The following PTPN6 variants were observed in gnomAD, a reference collection of about 807,000 sequenced individuals.
PTPN6 encodes protein tyrosine phosphatase non-receptor type 6.
Under a neutral mutation model 81.5 loss-of-function variants are expected in PTPN6, and 18 were observed. The ratio of observed to expected loss-of-function variants is 0.22; its 90% CI spans 0.15 to 0.33. The LOEUF (loss-of-function observed/expected upper bound fraction) is 0.33, where lower values mean the gene tolerates loss of function less well. Ranked by LOEUF, PTPN6 falls within the 10% of genes least tolerant of loss-of-function variation. The pLI is 1.00. For missense variants in PTPN6, 500 were observed against 794.2 expected (o/e 0.63, Z 4.45); for synonymous variants, 301 against 310.9 (o/e 0.97, Z 0.33).
chr12:6,948,964 A>G (rs1487658639), upstream of PTPN6, among the ~76,000 whole-genome samples: 2 of 151,778 alleles, frequency 1.3e-5, no homozygotes, highest in African/African-American at 2.4e-5. Context: ...AAAAAAAAGA[A>G]AAGAAAAAGT....
chr12:6,946,888 C>A, upstream of PTPN6: 1 of 881,038 alleles, frequency 1.1e-6, no homozygotes. Flanking sequence ...CTTCCCCTTC[C>A]CGCAAGGTGT....
upstream of PTPN6, among the ~76,000 whole-genome samples, chr12:6,947,702 T>C (rs1555147063): frequency 1.3e-5 from 2 of 149,920 alleles, no homozygotes; most frequent in Non-Finnish European, 3.0e-5. Context: ...ATGAACCAGC[T>C]TCATATGCTA....
At chr12:6,948,545 G>A (rs1190365873), upstream of PTPN6, among the ~76,000 whole-genome samples, 1 of 143,280 alleles carries the variant, frequency 7.0e-6, no homozygotes, top group Non-Finnish European at 1.5e-5. Flanking sequence ...AGGAAGGAAG[G>A]AAAGAAAGAA....
chr12:6,956,260 C>G lies in PTPN6; in HGVS notation c.924+39C>G, dbSNP rs1205471213. ...GCCACGTGGGAGGAGAGGCTGGGCC[C>G]TGGGAATTCCCTGTCTGGTGGGGGG... On this transcript the variant is annotated intron_variant, in intron 8 of 15. Transcript: ENST00000318974. This position sits in a 1 kb window ranked among gnomAD's most constrained non-coding sequence, Gnocchi z 4.1. 12 of 1,611,892 alleles carry G rather than the reference C, an allele frequency of 7.4e-6. No individual in the cohort carries two copies. The African/African-American group carries it at 1.3e-4, about 18-fold the overall frequency.
At position 6,956,235 on chromosome 12, in the gene PTPN6, G is replaced by A. The variant is rs759937221; in HGVS notation, c.924+14G>A. ...AACTACATCAAGGTCAGCAGTGTGGGCCACGTGGGAGGAGAGGCTGGGCCC... is the reference window on the plus strand; with the variant it reads ...AACTACATCAAGGTCAGCAGTGTGGACCACGTGGGAGGAGAGGCTGGGCCC... On this transcript the variant is annotated intron_variant, in intron 8 of 15. Coordinates refer to ENST00000318974, the MANE Select transcript of PTPN6 (RefSeq NM_002831.6). This position sits in a 1 kb window ranked among gnomAD's most constrained non-coding sequence, Gnocchi z 4.1. The A allele has an allele frequency of 6.2e-7, 1 of 1,613,844 alleles. No homozygotes were observed. The highest frequency in any genetic ancestry group is 8.5e-7 in the Non-Finnish European group (1 of 1,179,730).
rs1175912866 is a variant in PTPN6 at position 6,955,331 on chromosome 12, G to C, written c.634-41G>C. 1.2e-6 allele frequency: 2 copies of C among 1,611,678 alleles called. No homozygotes were observed. The highest frequency in any genetic ancestry group is 2.7e-5 in the African/African-American group (2 of 74,942). On this transcript the variant is annotated intron_variant, in intron 5 of 15. Transcript: ENST00000318974. This position sits in a 1 kb window ranked among gnomAD's most constrained non-coding sequence, Gnocchi z 7.2. ...GCTGTCCCCCAGATGTGAGCTTCTG[G>C]GATCTCTGAGTTGCTGACTTCTCGC... is the stretch of plus-strand genomic sequence containing the variant.
chr12:6,946,642 T>C (rs1463446859), upstream of PTPN6: 1 of 1,187,622 alleles, frequency 8.4e-7, no homozygotes, highest in Non-Finnish European at 1.2e-6. Flanking sequence ...CTCACCTGGC[T>C]TGGGCCACTG....
upstream of PTPN6, among the ~76,000 whole-genome samples, chr12:6,947,501 C>G (rs782652604): frequency 6.6e-5 from 10 of 151,848 alleles, no homozygotes; most frequent in Non-Finnish European, 1.5e-4. Context: ...GAGACCCTGT[C>G]TCTACAAAAA....
rs1946097593 is a variant in PTPN6, at chr12:6,959,899, C to T, written c.1362-28C>T. On this transcript the variant is annotated intron_variant, in intron 11 of 15. Coordinates refer to ENST00000318974, the MANE Select transcript of PTPN6 (RefSeq NM_002831.6). The surrounding 1 kb of genome is among the most constrained non-coding windows in gnomAD (Gnocchi z 6.6). ...CCTTCCCGGGGAGGGCTTGACTGGC[C>T]TCTGATGGCACCCCCGTCTTTCCCC... 1.2e-6 allele frequency: 2 copies of T among 1,610,576 alleles called. No individual in the cohort carries two copies. The highest frequency in any genetic ancestry group is 1.7e-5 in the Admixed American group (1 of 60,002).
In PTPN6 at chr12:6,959,887, G is replaced by A; in HGVS notation, c.1362-40G>A. 6.2e-7 allele frequency: 1 copy of A among 1,608,438 alleles called. No individual in the cohort carries two copies. The highest frequency in any genetic ancestry group is 8.5e-7 in the Non-Finnish European group (1 of 1,177,822). On this transcript the variant is annotated intron_variant, in intron 11 of 15. Coordinates refer to ENST00000318974, the MANE Select transcript of PTPN6 (RefSeq NM_002831.6). This position sits in a 1 kb window ranked among gnomAD's most constrained non-coding sequence, Gnocchi z 6.6. ...GCTGGGTACCCCCCTTCCCGGGGAG[G>A]GCTTGACTGGCCTCTGATGGCACCC...
intron 3 of PTPN6, among the ~76,000 whole-genome samples, chr12:6,954,000 C>T (rs955032445): frequency 2.6e-5 from 4 of 152,182 alleles, no homozygotes; most frequent in African/African-American, 9.7e-5. Flanking sequence ...TTTTTTCCAT[C>T]ACGTGGTTTC....
rs368379027 is a variant in PTPN6, at chr12:6,951,399, G to A, written c.-114G>A. The stretch of plus-strand genomic sequence containing the variant: ...GAACTGGGACCACCGGGGGTGGTGA[G>A]GCGGCCCGGCACTGGGAGCTGCATC... On this transcript the variant is annotated 5_prime_UTR_variant, in exon 1 of 16. Coordinates refer to ENST00000318974, the MANE Select transcript of PTPN6 (RefSeq NM_002831.6). This position sits in a 1 kb window ranked among gnomAD's most constrained non-coding sequence, Gnocchi z 7.2. The A allele has an allele frequency of 6.2e-5, 96 of 1,549,218 alleles. No individual in the cohort carries two copies. In the African/African-American group the frequency reaches 1.3e-3, roughly 20 times the overall value.
chr12:6,960,363 C>T lies in PTPN6; in HGVS notation c.1601C>T (p.Ser534Leu), dbSNP rs782688576. The change falls in exon 14 of 16, where the codon TCG becomes TTG. Residue 534 changes from serine to leucine, a missense_variant. Around this residue, in one of 6 missense-constraint regions of PTPN6, gnomAD observed 226 missense variants for 364.4 expected, o/e 0.62. Coordinates refer to ENST00000318974, the MANE Select transcript of PTPN6 (RefSeq NM_002831.6). This position sits in a 1 kb window ranked among gnomAD's most constrained non-coding sequence, Gnocchi z 6.1. Reference sequence around the variant, plus strand: ...CCACAGTCGCAGAAGGGCCAGGAGTCGGAGTACGGGAACATCACCTATCCC... The same window carrying T: ...CCACAGTCGCAGAAGGGCCAGGAGTTGGAGTACGGGAACATCACCTATCCC... ...EVLQSQKGQE[S>L]EYGNITYPPA... The T allele has an allele frequency of 8.9e-5, 143 of 1,613,380 alleles. No individual in the cohort carries two copies. Among genetic ancestry groups the T allele is most frequent in the Non-Finnish European group, 1.1e-4 (132 of 1,179,998 alleles).
upstream of PTPN6, among the ~76,000 whole-genome samples, chr12:6,947,739 T>C (rs1375731762): frequency 6.6e-6 from 1 of 150,478 alleles, no homozygotes; most frequent in Non-Finnish European, 1.5e-5. Context: ...GCAGGTGACA[T>C]TACTAGCTGG....
Position 6,957,588 on chromosome 12 carries a change from C to G in PTPN6, c.1075-66C>G. The G allele has an allele frequency of 1.9e-6, 3 of 1,579,586 alleles. No individual in the cohort carries two copies. Among genetic ancestry groups the G allele is most frequent in the East Asian group, 4.5e-5 (2 of 44,258 alleles). ...GGTGCCAGGCACTCAGAACATAGAG[C>G]AGGACCTGGGATGGGCCACAGTGCC... On this transcript the variant is annotated intron_variant, in intron 9 of 15. Transcript: ENST00000318974. This position sits in a 1 kb window ranked among gnomAD's most constrained non-coding sequence, Gnocchi z 6.5.
At position 6,955,090 on chromosome 12, in the gene PTPN6, G is replaced by T; in HGVS notation, c.517-61G>T. Reference sequence around the variant, plus strand: ...AGGGTCTGCCTGGGCTTGAATTCAAGGCTGGGGACCCAGGGAGGGAGACTC... The same window carrying T: ...AGGGTCTGCCTGGGCTTGAATTCAATGCTGGGGACCCAGGGAGGGAGACTC... On this transcript the variant is annotated intron_variant, in intron 4 of 15. Transcript: ENST00000318974. The surrounding 1 kb of genome is among the most constrained non-coding windows in gnomAD (Gnocchi z 7.2). 6.2e-7 allele frequency: 1 copy of T among 1,609,616 alleles called. No individual in the cohort carries two copies. Among genetic ancestry groups the T allele is most frequent in the Non-Finnish European group, 8.5e-7 (1 of 1,175,936 alleles).
chr12:6,959,824 T>C lies in PTPN6; in HGVS notation c.1362-103T>C. ...CACATTCCCTCCCATCACTGGAGGC[T>C]CAGGCTGCTCCTGTGGTGCCTGGGG... On this transcript the variant is annotated intron_variant, in intron 11 of 15. Transcript: ENST00000318974. This position sits in a 1 kb window ranked among gnomAD's most constrained non-coding sequence, Gnocchi z 6.6. The C allele has an allele frequency of 7.9e-7, 1 of 1,260,716 alleles. No individual in the cohort carries two copies. The highest frequency in any genetic ancestry group is 1.2e-5 in the South Asian group (1 of 83,626). 78.1% of individuals were successfully genotyped at this position (1,260,716 alleles called of 1,614,324 possible). A position where few individuals can be genotyped will look rare whatever the true frequency, so the allele number is the denominator to read the frequency against.
upstream of PTPN6, among the ~76,000 whole-genome samples, chr12:6,949,478 G>A (rs115569893): frequency 5.7e-3 from 871 of 152,302 alleles, 6 homozygotes; most frequent in African/African-American, 0.019. Context: ...TCTGACAGCC[G>A]TGTTTTACCC....
In PTPN6 at chr12:6,956,078, G is replaced by A. The variant is rs1946024397; in HGVS notation, c.845-64G>A. On this transcript the variant is annotated intron_variant, in intron 7 of 15. Transcript: ENST00000318974. This position sits in a 1 kb window ranked among gnomAD's most constrained non-coding sequence, Gnocchi z 4.1. ...ATGGCCTGTTAGCTCAGGAGGGTCT[G>A]ACCCAGGTGTGGTGAGTCCCTGGCT... 3 of 1,534,750 alleles carry A rather than the reference G, an allele frequency of 2.0e-6. No individual in the cohort carries two copies. The highest frequency in any genetic ancestry group is 1.8e-6 in the Non-Finnish European group (2 of 1,108,514).
Sources: allele counts gnomAD v4.1 joint callset (sites outside exome capture counted in the v4.1 genomes callset), GRCh38; gene constraint gnomAD v4.1.1; regional missense constraint gnomAD v4.1.1; non-coding constraint Gnocchi (gnomAD v3.1); transcripts MANE v1.5; gene names NCBI Gene and HGNC (gene_info 2026-07-23, HGNC 2026-07-21).